CACNA1S: variants seen among roughly 807,000 people sequenced by gnomAD.
CACNA1S encodes voltage-dependent L-type calcium channel subunit alpha-1S.
A neutral mutation model predicts 207.4 loss-of-function variants in CACNA1S; 126 were observed. That is an observed-to-expected ratio of 0.61 (90% CI 0.53 to 0.70). The LOEUF (loss-of-function observed/expected upper bound fraction) is 0.70, where lower values mean the gene tolerates loss of function less well. CACNA1S is among the 30% of genes least tolerant of loss of function. The probability of loss-of-function intolerance (pLI) is 0.00; values close to 1 mark genes in which losing one functional copy is unlikely to be tolerated. For missense variants in CACNA1S, 2,349 were observed against 2,422.8 expected, an observed-to-expected ratio of 0.97 and a Z score of 0.64; for synonymous variants, 960 against 932.7, an observed-to-expected ratio of 1.03 and a Z score of -0.53.
chr1:201,089,769 T>C (rs555826953), intron 5 of CACNA1S, among the ~76,000 whole-genome samples: 1 of 152,264 alleles, frequency 6.6e-6, no homozygotes, highest in African/African-American at 2.4e-5. Context: ...GTGTCATTTG[T>C]CCCCACAGAA....
chr1:201,055,764 A>G (rs377618492), intron 28 of CACNA1S, among the ~76,000 whole-genome samples: 1 of 152,196 alleles, frequency 6.6e-6, no homozygotes, highest in Non-Finnish European at 1.5e-5. Flanking sequence ...CGTGACTTTA[A>G]GCAAACACTA....
intron 2 of CACNA1S, among the ~76,000 whole-genome samples, chr1:201,106,972 C>CA (rs1365603391): frequency 6.6e-6 from 1 of 152,222 alleles, no homozygotes; most frequent in Non-Finnish European, 1.5e-5. Flanking sequence ...TTCCCTGAGA[C>CA]ACGGCCCTTC....
chr1:201,100,297 G>T (rs1346889339), intron 2 of CACNA1S, among the ~76,000 whole-genome samples: 1 of 152,228 alleles, frequency 6.6e-6, no homozygotes, highest in Non-Finnish European at 1.5e-5. Flanking sequence ...TAAAGGCAAG[G>T]AGGCGTTGCC....
rs1002335150 is a variant in CACNA1S, at chr1:201,069,387, T to C, written c.2490+85A>G. ...AGAAACTCTGATGCTTGTAGCCACA[T>C]AGAGGATACAGCTGAACCCTGGGCA... is the stretch of plus-strand genomic sequence containing the variant. On this transcript the variant is annotated intron_variant, in intron 18 of 43. Coordinates refer to ENST00000362061, the MANE Select transcript of CACNA1S (RefSeq NM_000069.3). 4.5e-6 allele frequency: 7 copies of C among 1,557,770 alleles called. No individual in the cohort carries two copies. The Admixed American group carries it at 7.4e-5, about 16-fold the overall frequency.
At chr1:201,076,373 CCA>C (rs1453569572) in intron 12 of CACNA1S, among the ~76,000 whole-genome samples, 3 of 152,118 alleles carry the variant, frequency 2.0e-5, no homozygotes, top group African/African-American at 7.2e-5. Flanking sequence ...GAAATATGGG[CCA>C]CTCCAGAGAG....
chr1:201,062,168 T>C, intron 23 of CACNA1S, 78 bp from the exon 24 acceptor site: 1 of 1,552,034 alleles, frequency 6.4e-7, no homozygotes, highest in Non-Finnish European at 8.8e-7. Context: ...GGGCCCTGGG[T>C]GGGGAGTGTG....
At chr1:201,061,622 A>G (rs1661054385) in intron 24 of CACNA1S, among the ~76,000 whole-genome samples, 154 bp from the exon 25 acceptor site, 1 of 152,206 alleles carries the variant, frequency 6.6e-6, no homozygotes, top group African/African-American at 2.4e-5. Context: ...CGGCGCCAGG[A>G]AAGACCAGAC....
chr1:201,056,510 G>A (rs1021256046), intron 28 of CACNA1S, among the ~76,000 whole-genome samples: 2 of 152,318 alleles, frequency 1.3e-5, no homozygotes, highest in African/African-American at 4.8e-5. Flanking sequence ...CCTAGCTTTG[G>A]GACCAGTCCC....
rs1157720606 is a variant in CACNA1S at position 201,069,596 on chromosome 1, C to T, written c.2366G>A (p.Arg789His). 4 of 1,554,540 alleles carry T rather than the reference C, an allele frequency of 2.6e-6. No homozygotes were observed. The highest frequency in any genetic ancestry group is 2.4e-5 in the East Asian group (1 of 41,702). Residue 789 changes from arginine (R) to histidine (H), a missense_variant, in exon 18 of 44, where the codon CGT (arginine) becomes CAT (histidine). Arg to His is a conservative substitution (Grantham distance 29, BLOSUM62 0). Coordinates refer to ENST00000362061, the MANE Select transcript of CACNA1S (RefSeq NM_000069.3). ...ATTGACGATGCGGTGACACAGGACACGGATCCTGGTGGGGCGAGGTAGGGA... is the reference window on the plus strand; with the variant it reads ...ATTGACGATGCGGTGACACAGGACATGGATCCTGGTGGGGCGAGGTAGGGA... ...FFIFSPTNKI[R>H]VLCHRIVNAT...
intron 10 of CACNA1S, among the ~76,000 whole-genome samples, chr1:201,080,410 A>G (rs1661800847): frequency 6.6e-6 from 1 of 151,988 alleles, no homozygotes. Flanking sequence ...TGTTCACATC[A>G]TCTCCACATT....
At chr1:201,070,596 G>A (rs187130684) in intron 16 of CACNA1S, among the ~76,000 whole-genome samples, 192 bp from the exon 17 acceptor site, 118 of 152,298 alleles carry the variant, frequency 7.7e-4, no homozygotes, top group Middle Eastern at 3.4e-3. Flanking sequence ...AGATTTGAGC[G>A]TCAAGGGTAG....
At chr1:201,105,828 A>G (rs1396842979) in intron 2 of CACNA1S, among the ~76,000 whole-genome samples, 3 of 152,148 alleles carry the variant, frequency 2.0e-5, no homozygotes, top group African/African-American at 7.2e-5. Flanking sequence ...GGACACTGCC[A>G]AGGGAGCCTA....
chr1:201,078,129 G>A (rs1296185197), intron 10 of CACNA1S, 25 bp from the exon 11 acceptor site: 11 of 1,543,436 alleles, frequency 7.1e-6, no homozygotes, highest in East Asian at 2.2e-5. Flanking sequence ...GCACAGCCCC[G>A]GCATCACTCT....
chr1:201,100,858 C>CTT (rs202047386), intron 2 of CACNA1S, among the ~76,000 whole-genome samples: 15 of 145,142 alleles, frequency 1.0e-4, no homozygotes, highest in African/African-American at 3.5e-4. Context: ...AAGGTAAGTA[C>CTT]TTTTTTTTTT....
intron 21 of CACNA1S, 35 bp from the exon 22 acceptor site, chr1:201,065,980 C>T: frequency 1.4e-6 from 2 of 1,440,934 alleles, no homozygotes; most frequent in Non-Finnish European, 1.9e-6. Flanking sequence ...ACTGGGGGTG[C>T]ACCCACAGTA....
rs765318074 is a variant in CACNA1S at position 201,110,245 on chromosome 1, G to A, written c.177C>T (p.Leu59=). ...EWKPFETIIL[L]TIFANCVALA... ...GGGCCACACAATTGGCAAAGATGGT[G>A]AGCAAGATGATCGTCTCGAAGGGCC... Residue 59 remains leucine, a synonymous_variant, in exon 2 of 44, where the codon CTC becomes CTT. Coordinates refer to ENST00000362061, the MANE Select transcript of CACNA1S (RefSeq NM_000069.3). 6 of 1,614,130 alleles carry A rather than the reference G, an allele frequency of 3.7e-6. No individual in the cohort carries two copies. Among genetic ancestry groups the A allele is most frequent in the Admixed American group, 3.3e-5 (2 of 60,012 alleles).
chr1:201,101,498 G>A (rs1271426570), intron 2 of CACNA1S, among the ~76,000 whole-genome samples: 2 of 152,254 alleles, frequency 1.3e-5, no homozygotes, highest in East Asian at 3.8e-4. Flanking sequence ...CTTTGACACA[G>A]GGGCTCGGCA....
intron 25 of CACNA1S, 102 bp from the exon 26 acceptor site, chr1:201,060,918 C>T: frequency 7.0e-7 from 1 of 1,422,430 alleles, no homozygotes; most frequent in Non-Finnish European, 9.9e-7. Context: ...GCAGCTGTGG[C>T]CAGGGGCTGT....
intron 12 of CACNA1S, among the ~76,000 whole-genome samples, chr1:201,076,174 C>T (rs1422370411): frequency 2.6e-5 from 4 of 152,338 alleles, no homozygotes; most frequent in South Asian, 2.1e-4. Context: ...CTCTTCCTAA[C>T]CCCCGGGCTT....
Sources: allele counts gnomAD v4.1 joint callset (sites outside exome capture counted in the v4.1 genomes callset), GRCh38; gene constraint gnomAD v4.1.1; transcripts MANE v1.5; gene names NCBI Gene and HGNC (gene_info 2026-07-23, HGNC 2026-07-21).